The following PRRC2C variants were observed in gnomAD, a reference collection of about 807,000 sequenced individuals.
PRRC2C encodes the protein proline rich coiled-coil 2C.
A neutral mutation model predicts 317.2 loss-of-function variants in PRRC2C; 72 were observed. The ratio of observed to expected loss-of-function variants is 0.23; its 90% CI spans 0.19 to 0.28. PRRC2C has a LOEUF of 0.28. Ranked by LOEUF, PRRC2C falls within the 10% of genes least tolerant of loss-of-function variation. The pLI, the probability that PRRC2C is intolerant of heterozygous loss-of-function variation, is 1.00. For synonymous variants in PRRC2C, 1,296 were observed against 1,205.9 expected (o/e 1.07, Z -1.55); for missense variants, 3,074 against 3,459.7 (o/e 0.89, Z 2.80).
At position 171,591,679 on chromosome 1, in the gene PRRC2C, A is replaced by G. The variant is rs1452866313; in HGVS notation, c.8529A>G (p.Lys2843=). 1 of 1,613,954 alleles carries G rather than the reference A, an allele frequency of 6.2e-7. No homozygotes were observed. Among genetic ancestry groups the G allele is most frequent in the Non-Finnish European group, 8.5e-7 (1 of 1,179,874 alleles). ...AGATAGGAGGAGGCAAAGCCCAGAA[A>G]GTGGACAGTGATTCAAGTAAACCTC... ...SKQIGGGKAQ[K]VDSDSSKPPE... is the part of the protein sequence containing the mutation. The change falls in exon 35 of 35, where the codon AAA becomes AAG. Residue 2843 remains lysine, a synonymous_variant. Transcript: ENST00000647382.
chr1:171,556,361 C>A (rs554151818), intron 18 of PRRC2C, among the ~76,000 whole-genome samples: 37 of 152,330 alleles, frequency 2.4e-4, no homozygotes, highest in Middle Eastern at 6.8e-3. Context: ...GAGAAATCCC[C>A]CCACCCCTTG....
At position 171,524,885 on chromosome 1, in the gene PRRC2C, A is replaced by G. The variant is rs958460611; in HGVS notation, c.1120A>G (p.Asn374Asp). 2.5e-6 allele frequency: 4 copies of G among 1,609,272 alleles called. No homozygotes were observed. The highest frequency in any genetic ancestry group is 3.4e-6 in the Non-Finnish European group (4 of 1,177,482). ...ENKKETDEVS[N>D]TKSSSQIPAQ... Reference sequence around the variant, plus strand: ...CAAAAAAGAAACAGATGAAGTTTCCAACACTAAATCATCTTCCCAAATACC... The same window carrying G: ...CAAAAAAGAAACAGATGAAGTTTCCGACACTAAATCATCTTCCCAAATACC... Residue 374 changes from asparagine to aspartate, a missense_variant, in exon 10 of 35, where the codon AAC (asparagine) becomes GAC (aspartate). Transcript: ENST00000647382.
intron 1 of PRRC2C, among the ~76,000 whole-genome samples, chr1:171,507,569 T>C (rs1276903619): frequency 6.6e-6 from 1 of 152,248 alleles, no homozygotes; most frequent in East Asian, 1.9e-4. Flanking sequence ...TGAGATTGCA[T>C]TACTGTACTT....
At chr1:171,538,343 T>C (rs1677258580) in intron 15 of PRRC2C, among the ~76,000 whole-genome samples, 1 of 152,196 alleles carries the variant, frequency 6.6e-6, no homozygotes, top group African/African-American at 2.4e-5. Context: ...TTATATAATA[T>C]AGCTAGATGT....
intron 19 of PRRC2C, among the ~76,000 whole-genome samples, chr1:171,558,927 A>T (rs1682002557): frequency 1.3e-5 from 2 of 152,260 alleles, no homozygotes; most frequent in Admixed American, 1.3e-4. Context: ...AATGATAAGA[A>T]AGTAAAACAG....
At chr1:171,508,315 C>G (rs1033205001) in intron 1 of PRRC2C, among the ~76,000 whole-genome samples, 1 of 152,020 alleles carries the variant, frequency 6.6e-6, no homozygotes, top group Non-Finnish European at 1.5e-5. Context: ...AGGAATTTTC[C>G]TCTGTACCTG....
chr1:171,566,250 A>C lies in PRRC2C; in HGVS notation c.6135A>C (p.Gln2045His). 6.2e-7 allele frequency: 1 copy of C among 1,610,764 alleles called. No individual in the cohort carries two copies. Among genetic ancestry groups the C allele is most frequent in the Non-Finnish European group, 8.5e-7 (1 of 1,178,522 alleles). ...TTTACTAGGGAGCGAAGAATGGTCA[A>C]GAAAGTGGACTCGAAATTGGAACTG... ...APSSEGAKNG[Q>H]ESGLEIGTDT... Residue 2045 changes from glutamine (Q) to histidine (H), a missense_variant, in exon 21 of 35, where the codon CAA becomes CAC. Physicochemically the swap from Gln to His is conservative, Grantham distance 24. This residue lies in a region of PRRC2C where 640 missense variants were observed against 676.1 expected (regional missense o/e 0.95). Coordinates refer to ENST00000647382, the MANE Select transcript of PRRC2C (RefSeq NM_001387844.1).
intron 1 of PRRC2C, among the ~76,000 whole-genome samples, chr1:171,504,723 C>T (rs1347983252): frequency 6.6e-6 from 1 of 152,016 alleles, no homozygotes; most frequent in Admixed American, 6.6e-5. Flanking sequence ...CTTTTCAAAG[C>T]TGGCGGGGTG....
chr1:171,591,485 G>T, intron 34 of PRRC2C, 102 bp from the exon 35 acceptor site: 1 of 1,451,352 alleles, frequency 6.9e-7, no homozygotes, highest in South Asian at 1.4e-5. Flanking sequence ...ACCAGTGTGG[G>T]GAAAACTGAT....
At position 171,537,437 on chromosome 1, in the gene PRRC2C, C is replaced by T. The variant is rs1230001929; in HGVS notation, c.2468C>T (p.Thr823Ile). ...CCTCATGCTGAGCCTCAACAAGCAA[C>T]TACTCCCAAAGCAACAGAAGAGCCT... is the stretch of plus-strand genomic sequence containing the variant. ...PYPHAEPQQA[T>I]TPKATEEPED... Residue 823 changes from threonine (T) to isoleucine (I), a missense_variant, in exon 15 of 35, where the codon ACT becomes ATT. Physicochemically the swap from Thr to Ile is moderately conservative, Grantham distance 89 (BLOSUM62 -1). This residue lies in a region of PRRC2C where 1,320 missense variants were observed against 1,395.7 expected (regional missense o/e 0.95). Transcript: ENST00000647382. The T allele has an allele frequency of 5.1e-6, 8 of 1,583,056 alleles. No individual in the cohort carries two copies. Among genetic ancestry groups the T allele is most frequent in the Non-Finnish European group, 6.9e-6 (8 of 1,163,540 alleles).
At chr1:171,582,136 G>C (rs540268999) in intron 28 of PRRC2C, among the ~76,000 whole-genome samples, 1 of 152,154 alleles carries the variant, frequency 6.6e-6, no homozygotes, top group Admixed American at 6.6e-5. Context: ...TATATGTGGG[G>C]AAGTAATGAA....
chr1:171,552,808 G>A (rs1039220936), intron 18 of PRRC2C, among the ~76,000 whole-genome samples: 4 of 152,168 alleles, frequency 2.6e-5, no homozygotes, highest in South Asian at 2.1e-4. Flanking sequence ...TCCTAGGGAT[G>A]AAGCCAAGTT....
intron 12 of PRRC2C, among the ~76,000 whole-genome samples, chr1:171,534,746 A>T (rs1237519372): frequency 6.6e-6 from 1 of 152,150 alleles, no homozygotes; most frequent in Non-Finnish European, 1.5e-5. Context: ...CAACATTCTT[A>T]ATATTGAATG....
rs139697002 is a variant in PRRC2C at position 171,530,442 on chromosome 1, C to T, written c.1255-1901C>T. Among the ~76,000 whole-genome samples, 957 of 151,806 alleles carry T rather than the reference C, an allele frequency of 6.3e-3. 12 individuals are homozygous for T. Among genetic ancestry groups the T allele is most frequent in the African/African-American group, 0.022 (905 of 41,380 alleles). On this transcript the variant is annotated intron_variant, in intron 11 of 34. Transcript: ENST00000647382. ...TGTATTTTTTGTAGAGATGGGGTTT[C>T]GCCATGTTGCCCAGGCTAGTCTTGA...
intron 33 of PRRC2C, 137 bp from the exon 34 acceptor site, chr1:171,589,232 C>A: frequency 2.5e-6 from 1 of 399,402 alleles, no homozygotes; most frequent in Non-Finnish European, 4.5e-6. Context: ...TGGAATGGCA[C>A]AATCTGTACA....
At chr1:171,512,350 G>T in intron 2 of PRRC2C, 150 bp downstream of exon 2, 1 of 603,572 alleles carries the variant, frequency 1.7e-6, no homozygotes. Context: ...TTTTTCAGAG[G>T]ATATGTGATA....
chr1:171,492,457 T>G (rs187190537), intron 1 of PRRC2C, among the ~76,000 whole-genome samples: 62 of 152,320 alleles, frequency 4.1e-4, no homozygotes, highest in Admixed American at 3.9e-3. Context: ...CTTGGAAGGC[T>G]GAGGTGGAAG....
At position 171,535,437 on chromosome 1, in the gene PRRC2C, C is replaced by G. The variant is rs773874403; in HGVS notation, c.1883C>G (p.Pro628Arg). ...CCTTTTCTTTGAGCAGAGGAGGAAC[C>G]CGTTTTCACTAGACAAGACAGCAAT... ...SENSCNKEEE[P>R]VFTRQDSNRS... Residue 628 changes from proline to arginine, a missense_variant, in exon 13 of 35, where the codon CCC (proline) becomes CGC (arginine). Physicochemically the swap from Pro to Arg is moderately radical, Grantham distance 103 (BLOSUM62 -2). This residue lies in a region of PRRC2C where 1,320 missense variants were observed against 1,395.7 expected (regional missense o/e 0.95). Transcript: ENST00000647382. 1 of 1,612,006 alleles carries G rather than the reference C, an allele frequency of 6.2e-7. No homozygotes were observed. Among genetic ancestry groups the G allele is most frequent in the Non-Finnish European group, 8.5e-7 (1 of 1,179,202 alleles).
intron 1 of PRRC2C, among the ~76,000 whole-genome samples, chr1:171,507,676 G>A (rs1206829421): frequency 1.3e-5 from 2 of 152,144 alleles, no homozygotes; most frequent in Admixed American, 6.5e-5. Context: ...AGTCTTGGTT[G>A]TGAAACAGGT....
Sources: gnomAD v4.1 joint callset for allele counts (sites outside exome capture counted in the v4.1 genomes callset) on GRCh38, gnomAD v4.1.1 for gene constraint, gnomAD v4.1.1 regional missense constraint, MANE v1.5 for transcripts, NCBI Gene and HGNC (gene_info 2026-07-23, HGNC 2026-07-21) for gene names.